The following CDKN2B-AS1 variants were observed in gnomAD, a reference collection of about 807,000 sequenced individuals.
CDKN2B-AS1 encodes the protein CDKN2B antisense RNA 1 (non-protein coding).
exon 5 of CDKN2B-AS1, among the ~76,000 whole-genome samples, chr9:22,127,718 G>A (rs1043619374): frequency 1.6e-4 from 24 of 152,144 alleles, no homozygotes; most frequent in Admixed American, 1.4e-3. Flanking sequence ...ACTTAACGAG[G>A]ATGATTACTA....
chr9:22,125,056 C>T (rs1272906188), intron 4 of CDKN2B-AS1, among the ~76,000 whole-genome samples: 3 of 152,268 alleles, frequency 2.0e-5, no homozygotes, highest in East Asian at 1.9e-4. Flanking sequence ...TGCACGCACA[C>T]GTGTGCACAC....
rs558138590 is a variant in CDKN2B-AS1 at position 21,996,691 on chromosome 9, C to T, written n.29+1530C>T. Among the ~76,000 whole-genome samples, 2 of 152,274 alleles carry T rather than the reference C, an allele frequency of 1.3e-5. No homozygotes were observed. Among genetic ancestry groups the T allele is most frequent in the East Asian group, 3.9e-4 (2 of 5,182 alleles). On this transcript the variant is annotated intron_variant and non_coding_transcript_variant, in intron 1 of 4. Transcript: ENST00000650946. The surrounding 1 kb of genome is among the most constrained non-coding windows in gnomAD (Gnocchi z 5.4). ...TTCCCCTCCTACCACCACCTTCAGC[C>T]GGCCTCCGCCTCTGTAGGGGGGCAT...
rs1006720826 is a variant in CDKN2B-AS1 at position 21,997,849 on chromosome 9, A to C, written n.29+2688A>C. Among the ~76,000 whole-genome samples, 19 of 152,266 alleles carry C rather than the reference A, an allele frequency of 1.2e-4. No individual in the cohort carries two copies. The highest frequency in any genetic ancestry group is 4.6e-4 in the African/African-American group (19 of 41,536). On this transcript the variant is annotated intron_variant and non_coding_transcript_variant, in intron 1 of 4. Transcript: ENST00000650946. The surrounding 1 kb of genome is among the most constrained non-coding windows in gnomAD (Gnocchi z 4.8). Reference sequence around the variant, plus strand: ...AAGTTGACATACCAAATTAACTGTCACATTATCCCGTCATGCCTGAGGGGT... The same window carrying C: ...AAGTTGACATACCAAATTAACTGTCCCATTATCCCGTCATGCCTGAGGGGT...
intron 4 of CDKN2B-AS1, among the ~76,000 whole-genome samples, chr9:22,121,944 A>T (rs1826112030): frequency 6.6e-6 from 1 of 152,042 alleles, no homozygotes. Context: ...CCATAGTACT[A>T]TTCGTAGTTT....
intron 4 of CDKN2B-AS1, among the ~76,000 whole-genome samples, chr9:22,080,430 G>A (rs1824654343): frequency 6.6e-6 from 1 of 152,254 alleles, no homozygotes; most frequent in South Asian, 2.1e-4. Flanking sequence ...GCTGATGTGA[G>A]CTTGTGACCT....
At chr9:22,019,792 G>A (rs1821941033) in intron 1 of CDKN2B-AS1, among the ~76,000 whole-genome samples, 1 of 151,718 alleles carries the variant, frequency 6.6e-6, no homozygotes, top group South Asian at 2.1e-4. Context: ...ATAGAAGAAA[G>A]ATTTACTTTC....
chr9:22,002,419 AATGAGT>A (rs1283948929), intron 1 of CDKN2B-AS1, among the ~76,000 whole-genome samples: 2 of 152,000 alleles, frequency 1.3e-5, no homozygotes, highest in African/African-American at 2.4e-5. Context: ...TAAAGCATAA[AATGAGT>A]ATATGTTTTA....
chr9:22,030,223 G>A (rs923037588), intron 1 of CDKN2B-AS1: 1 of 152,166 alleles, frequency 6.6e-6, no homozygotes, highest in Non-Finnish European at 1.5e-5. Context: ...CTTTTGTAAT[G>A]TAGATTTCAG....
intron 1 of CDKN2B-AS1, among the ~76,000 whole-genome samples, chr9:22,027,474 C>G (rs1340783437): frequency 1.3e-5 from 2 of 152,160 alleles, no homozygotes; most frequent in South Asian, 2.1e-4. Context: ...ATAAGAGTCT[C>G]TCGAAAATTT....
intron 4 of CDKN2B-AS1, among the ~76,000 whole-genome samples, chr9:22,107,869 A>T (rs944199987): frequency 1.3e-5 from 2 of 152,342 alleles, no homozygotes; most frequent in Non-Finnish European, 2.9e-5. Context: ...TTAGAAGGAC[A>T]GAGAAGGAAT....
At chr9:22,008,666 A>C in intron 1 of CDKN2B-AS1, 1 of 1,606,440 alleles carries the variant, frequency 6.2e-7, no homozygotes, top group Non-Finnish European at 8.5e-7. Context: ...TTACGCGTGG[A>C]ATGCACACCT....
chr9:22,025,705 C>T (rs1351539048), intron 1 of CDKN2B-AS1, among the ~76,000 whole-genome samples: 2 of 152,180 alleles, frequency 1.3e-5, no homozygotes, highest in African/African-American at 4.8e-5. Flanking sequence ...TCTCTGGGAG[C>T]TCCATCCCTG....
intron 4 of CDKN2B-AS1, among the ~76,000 whole-genome samples, chr9:22,088,095 A>G (rs10738607): frequency 0.43 from 64,425 of 151,508 alleles, 14,836 homozygotes; most frequent in East Asian, 0.66. Flanking sequence ...TCATGCAGTG[A>G]CTTCTAAAAT....
chr9:22,033,841 T>C (rs1822577555), intron 1 of CDKN2B-AS1, among the ~76,000 whole-genome samples: 1 of 152,204 alleles, frequency 6.6e-6, no homozygotes, highest in Non-Finnish European at 1.5e-5. Context: ...AGATGCTTTG[T>C]TGGCACTGAA....
intron 1 of CDKN2B-AS1, among the ~76,000 whole-genome samples, chr9:22,034,212 T>C (rs559924638): frequency 1.3e-5 from 2 of 152,340 alleles, no homozygotes; most frequent in Admixed American, 6.5e-5. Context: ...CATATTAAAA[T>C]TCTATTATTC....
rs574269640 is a variant in CDKN2B-AS1, at chr9:22,109,365, C to G, written n.439-17738C>G. Among the ~76,000 whole-genome samples, 4 of 152,280 alleles carry G rather than the reference C, an allele frequency of 2.6e-5. No individual in the cohort carries two copies. In the East Asian group the frequency reaches 7.7e-4, roughly 29 times the overall value. ...CTGTACAGAGTTACTTCTTGTTGGT[C>G]TATTTTTTCTTTGGAATAAATCGCT... On this transcript the variant is annotated intron_variant and non_coding_transcript_variant, in intron 4 of 4. Coordinates refer to ENST00000650946, the Ensembl canonical transcript of CDKN2B-AS1.
At chr9:22,028,635 G>GA (rs1206071110) in intron 1 of CDKN2B-AS1, among the ~76,000 whole-genome samples, 1 of 151,956 alleles carries the variant, frequency 6.6e-6, no homozygotes, top group African/African-American at 2.4e-5. Flanking sequence ...CAAAAGTTAA[G>GA]AAAAAAATAT....
At chr9:22,094,277 A>T (rs1322164698) in intron 4 of CDKN2B-AS1, among the ~76,000 whole-genome samples, 1 of 143,344 alleles carries the variant, frequency 7.0e-6, no homozygotes, top group Non-Finnish European at 1.5e-5. Flanking sequence ...AACTTTGGCA[A>T]ATCCGACAAT....
At chr9:22,101,246 C>G (rs1300855283) in intron 4 of CDKN2B-AS1, among the ~76,000 whole-genome samples, 1 of 152,010 alleles carries the variant, frequency 6.6e-6, no homozygotes, top group Non-Finnish European at 1.5e-5. Context: ...GCAGACTCAA[C>G]CAAGAGTTAT....
Sources: allele counts gnomAD v4.1 joint callset (sites outside exome capture counted in the v4.1 genomes callset), GRCh38; gene constraint gnomAD v4.1.1; non-coding constraint Gnocchi (gnomAD v3.1); transcripts MANE v1.5; gene names NCBI Gene and HGNC (gene_info 2026-07-23, HGNC 2026-07-21).